Variants in GNPDA2 observed in about 807,000 individuals in gnomAD.
GNPDA2 encodes glucosamine-6-phosphate deaminase 2.
In GNPDA2, 24 loss-of-function variants were observed where a neutral mutation model predicts 27.0. The observed-to-expected ratio is 0.89, with a 90% CI of 0.64 to 1.25. GNPDA2 has a LOEUF of 1.25. GNPDA2 is among the 50% of genes most tolerant of loss of function. The probability of loss-of-function intolerance (pLI) is 0.00; values close to 1 mark genes in which losing one functional copy is unlikely to be tolerated. For missense variants in GNPDA2, 286 were observed against 335.1 expected (o/e 0.85, Z 1.14); for synonymous variants, 94 against 108.4 (o/e 0.87, Z 0.83).
At chr4:44,706,886 A>G (rs948556701) in intron 6 of GNPDA2, 2 of 152,090 alleles carry the variant, frequency 1.3e-5, no homozygotes, top group Non-Finnish European at 2.9e-5. Context: ...AGGTATAATC[A>G]TGTAGCAAAA....
At chr4:44,722,017 C>G (rs1489826254) in intron 2 of GNPDA2, 67 bp downstream of exon 2, 3 of 1,197,298 alleles carry the variant, frequency 2.5e-6, no homozygotes, top group Middle Eastern at 2.1e-4. Flanking sequence ...TAAAAGAAAC[C>G]CTTCAATTCC....
intron 4 of GNPDA2, chr4:44,714,611 T>C (rs1577589520): frequency 1.0e-6 from 1 of 983,710 alleles, no homozygotes; most frequent in African/African-American, 1.7e-5. Context: ...ATAAAGCTGA[T>C]ATTTTGATCC....
At chr4:44,714,819 C>T (rs1180058815) in intron 4 of GNPDA2, among the ~76,000 whole-genome samples, 1 of 152,124 alleles carries the variant, frequency 6.6e-6, no homozygotes, top group Non-Finnish European at 1.5e-5. Flanking sequence ...TGCAATAATC[C>T]TTCTCTCTCT....
In GNPDA2 at chr4:44,702,068, C is replaced by T. The variant is rs992477294; in HGVS notation, c.*1013G>A. On this transcript the variant is annotated 3_prime_UTR_variant, in exon 7 of 7. Transcript: ENST00000295448. Reference sequence around the variant, plus strand: ...TCCTAATGCATGATGGTAACAAACCCAAAATGAATGCAGGTTCACATGTAC... The same window carrying T: ...TCCTAATGCATGATGGTAACAAACCTAAAATGAATGCAGGTTCACATGTAC... 1.0e-6 allele frequency: 1 copy of T among 985,314 alleles called. No individual in the cohort carries two copies. The highest frequency in any genetic ancestry group is 4.7e-5 in the South Asian group (1 of 21,274). The allele number at this position is 985,314 out of a possible 1,614,324, so 61.0% of individuals were successfully genotyped here. A position where few individuals can be genotyped will look rare whatever the true frequency, so the allele number is the denominator to read the frequency against.
intron 6 of GNPDA2, chr4:44,705,010 C>T (rs374320212): frequency 1.3e-4 from 123 of 979,918 alleles, no homozygotes; most frequent in African/African-American, 4.2e-4. Context: ...AGGTATATAC[C>T]GTTATATAGG....
intron 6 of GNPDA2, 62 bp from the exon 7 acceptor site, chr4:44,703,204 T>C (rs755248234): frequency 1.2e-5 from 19 of 1,558,750 alleles, no homozygotes; most frequent in Non-Finnish European, 1.6e-5. Context: ...TCATTTACTT[T>C]AGACAACAAA....
chr4:44,724,191 A>T (rs1267289571), intron 1 of GNPDA2, among the ~76,000 whole-genome samples: 1 of 152,072 alleles, frequency 6.6e-6, no homozygotes, highest in Non-Finnish European at 1.5e-5. Context: ...CTCTTTTAGG[A>T]AGTCAGCACA....
In GNPDA2 at chr4:44,703,776, T is replaced by C. The variant is rs202197438; in HGVS notation, c.770-634A>G. On this transcript the variant is annotated intron_variant, in intron 6 of 6. Transcript: ENST00000295448. ...GTAATTGGTACATATACTTGCAGAC[T>C]GCTCTTAGCTATGGAAGCTGCTTGG... is the stretch of plus-strand genomic sequence containing the variant. 1.2e-5 allele frequency: 12 copies of C among 985,212 alleles called. No homozygotes were observed. In the East Asian group the frequency reaches 1.1e-3, roughly 93 times the overall value. The allele number at this position is 985,212 out of a possible 1,614,324, so 61.0% of individuals were successfully genotyped here.
At chr4:44,703,834 A>G (rs1011701798) in intron 6 of GNPDA2, 29 of 985,006 alleles carry the variant, frequency 2.9e-5, no homozygotes, top group Non-Finnish European at 3.4e-5. Flanking sequence ...CTCCTGTTTT[A>G]ATGCCTCAGT....
chr4:44,707,728 C>A, intron 6 of GNPDA2, 24 bp downstream of exon 6: 1 of 1,596,994 alleles, frequency 6.3e-7, no homozygotes. Context: ...TTATCTCAGT[C>A]GGCTTTTGAA....
At chr4:44,726,291 G>A (rs1489451701) in intron 1 of GNPDA2, among the ~76,000 whole-genome samples, 183 bp downstream of exon 1, 1 of 152,178 alleles carries the variant, frequency 6.6e-6, no homozygotes, top group African/African-American at 2.4e-5. Flanking sequence ...AGGACAACCA[G>A]GTCCGCGAGT....
At chr4:44,714,663 G>A in intron 4 of GNPDA2, 2 of 984,934 alleles carry the variant, frequency 2.0e-6, no homozygotes, top group Non-Finnish European at 1.2e-6. Context: ...CCAAACCCTG[G>A]AACAAAAGAA....
intron 5 of GNPDA2, among the ~76,000 whole-genome samples, chr4:44,710,359 C>A (rs1278134574): frequency 6.6e-6 from 1 of 152,110 alleles, no homozygotes; most frequent in Non-Finnish European, 1.5e-5. Context: ...CATATAACCA[C>A]GAACTGACTA....
At chr4:44,711,220 A>C in intron 4 of GNPDA2, 83 bp from the exon 5 acceptor site, 1 of 731,716 alleles carries the variant, frequency 1.4e-6, no homozygotes, top group Non-Finnish European at 2.0e-6. Flanking sequence ...ACAAAAAAAA[A>C]ATCACCTTGT....
intron 2 of GNPDA2, among the ~76,000 whole-genome samples, chr4:44,721,058 A>G (rs74642774): frequency 0.11 from 4,349 of 39,578 alleles, 199 homozygotes; most frequent in African/African-American, 0.2. Flanking sequence ...TGTCCAGTGA[A>G]AAAAAAAAAA....
intron 6 of GNPDA2, chr4:44,706,817 G>A (rs918962669): frequency 6.6e-6 from 1 of 151,920 alleles, no homozygotes; most frequent in Non-Finnish European, 1.5e-5. Context: ...GATTTATTCA[G>A]TGTATTTTCC....
chr4:44,723,177 T>C (rs545678412), intron 1 of GNPDA2, among the ~76,000 whole-genome samples: 47 of 152,284 alleles, frequency 3.1e-4, no homozygotes, highest in East Asian at 9.7e-4. Context: ...ACTTATACCA[T>C]GAAAGATGTG....
At chr4:44,714,048 CACA>C (rs1717134953) in intron 4 of GNPDA2, among the ~76,000 whole-genome samples, 1 of 152,168 alleles carries the variant, frequency 6.6e-6, no homozygotes, top group African/African-American at 2.4e-5. Flanking sequence ...ATCAGCTCAC[CACA>C]ACCTCGGCCT....
chr4:44,702,416 T>G lies in GNPDA2; in HGVS notation c.*665A>C, dbSNP rs1237559856. ...CTTATATTAGGGACATGAACCCAAG[T>G]CGTTAAATAAAAATAAGATATTTGT... On this transcript the variant is annotated 3_prime_UTR_variant, in exon 7 of 7. Transcript: ENST00000295448. 2 of 975,062 alleles carry G rather than the reference T, an allele frequency of 2.1e-6. No homozygotes were observed. The highest frequency in any genetic ancestry group is 3.5e-5 in the African/African-American group (2 of 56,910). The allele number at this position is 975,062 out of a possible 1,614,324, so 60.4% of individuals were successfully genotyped here.
Sources: allele counts gnomAD v4.1 joint callset (sites outside exome capture counted in the v4.1 genomes callset), GRCh38; gene constraint gnomAD v4.1.1; transcripts MANE v1.5; gene names NCBI Gene and HGNC (gene_info 2026-07-23, HGNC 2026-07-21).